KCND3: variants seen among roughly 807,000 people sequenced by gnomAD.
KCND3 encodes potassium voltage-gated channel subfamily D member 3.
Under a neutral mutation model 51.1 loss-of-function variants are expected in KCND3, and 9 were observed. That is an observed-to-expected ratio of 0.18 (90% CI 0.11 to 0.31). The LOEUF is 0.31. Ranked by LOEUF, KCND3 falls within the 10% of genes least tolerant of loss-of-function variation. The pLI is 1.00. For synonymous variants in KCND3, 349 were observed against 368.0 expected (o/e 0.95, Z 0.59); for missense variants, 526 against 903.8 (o/e 0.58, Z 5.36).
At chr1:111,894,095 T>TAGA (rs1451928510) in intron 2 of KCND3, among the ~76,000 whole-genome samples, 1 of 152,196 alleles carries the variant, frequency 6.6e-6, no homozygotes, top group Non-Finnish European at 1.5e-5. Flanking sequence ...GGCTTTCCAC[T>TAGA]GCACCTAAAA....
intron 3 of KCND3, among the ~76,000 whole-genome samples, chr1:111,786,444 T>C (rs17665619): frequency 0.033 from 5,064 of 152,336 alleles, 127 homozygotes; most frequent in Non-Finnish European, 0.05. Flanking sequence ...CTTTGCCCTA[T>C]GATATCTTGG....
intron 2 of KCND3, among the ~76,000 whole-genome samples, chr1:111,813,438 G>A (rs1048518330): frequency 6.6e-6 from 1 of 152,262 alleles, no homozygotes; most frequent in Non-Finnish European, 1.5e-5. Flanking sequence ...GCAGGGGCCT[G>A]TCTGGTCTTC....
intron 2 of KCND3, among the ~76,000 whole-genome samples, chr1:111,949,979 C>T (rs1672974746): frequency 6.6e-6 from 1 of 152,214 alleles, no homozygotes; most frequent in South Asian, 2.1e-4. Flanking sequence ...GGCCCGATCT[C>T]AGCTCACTGC....
chr1:111,982,447 C>T lies in KCND3; in HGVS notation c.280G>A (p.Val94Met), dbSNP rs1349469134. 1 of 1,613,526 alleles carries T rather than the reference C, an allele frequency of 6.2e-7. No homozygotes were observed. Among genetic ancestry groups the T allele is most frequent in the Admixed American group, 1.7e-5 (1 of 60,010 alleles). ...TTCCCCGTGCGGTAGAAGTTGAGCA[C>T]GCAGCGGAACACCTCGGGGTCCCGG... ...FDRDPEVFRC[V>M]LNFYRTGKLH... Residue 94 changes from valine (V) to methionine (M), a missense_variant, in exon 2 of 8, where the codon GTG becomes ATG. Transcript: ENST00000302127. The surrounding 1 kb of genome is among the most constrained non-coding windows in gnomAD (Gnocchi z 8.5).
At chr1:111,852,863 G>A (rs181788260) in intron 2 of KCND3, among the ~76,000 whole-genome samples, 4 of 152,222 alleles carry the variant, frequency 2.6e-5, no homozygotes, top group East Asian at 3.9e-4. Context: ...CTTCAGCTCC[G>A]CTCTGCCCGT....
chr1:111,936,296 C>T (rs946188828), intron 2 of KCND3, among the ~76,000 whole-genome samples: 4 of 152,118 alleles, frequency 2.6e-5, no homozygotes, highest in Admixed American at 6.6e-5. Flanking sequence ...CATTGGTGAG[C>T]AGAGGGCTCC....
chr1:111,969,190 G>A (rs1017874951), intron 2 of KCND3, among the ~76,000 whole-genome samples: 1 of 151,930 alleles, frequency 6.6e-6, no homozygotes, highest in African/African-American at 2.4e-5. Flanking sequence ...GCCCACCCTC[G>A]TGTGCCTACT....
chr1:111,812,591 A>G (rs1557952530), intron 2 of KCND3, among the ~76,000 whole-genome samples: 3 of 152,204 alleles, frequency 2.0e-5, no homozygotes, highest in Non-Finnish European at 4.4e-5. Context: ...TACATTTTTA[A>G]TCTGTACGAG....
chr1:111,780,361 C>T lies in KCND3; in HGVS notation c.1372-47G>A. On this transcript the variant is annotated intron_variant, in intron 4 of 7. Transcript: ENST00000302127. This position sits in a 1 kb window ranked among gnomAD's most constrained non-coding sequence, Gnocchi z 4.2. ...TTGAGTAAAAAGCTGGTGGCTCTTCCCCTCTCCAGCTCCTTCATTTCTCCA... is the reference window on the plus strand; with the variant it reads ...TTGAGTAAAAAGCTGGTGGCTCTTCTCCTCTCCAGCTCCTTCATTTCTCCA... 1 of 1,483,258 alleles carries T rather than the reference C, an allele frequency of 6.7e-7. No individual in the cohort carries two copies. Among genetic ancestry groups the T allele is most frequent in the Non-Finnish European group, 9.2e-7 (1 of 1,084,546 alleles). The allele number at this position is 1,483,258 out of a possible 1,614,324, so 91.9% of individuals were successfully genotyped here. A position where few individuals can be genotyped will look rare whatever the true frequency, so the allele number is the denominator to read the frequency against.
At chr1:111,788,707 C>T (rs749844947) in intron 2 of KCND3, among the ~76,000 whole-genome samples, 1 of 152,110 alleles carries the variant, frequency 6.6e-6, no homozygotes, top group Non-Finnish European at 1.5e-5. Context: ...TCAGGAGAGG[C>T]CTCCAGGGAA....
chr1:111,915,211 T>C (rs1396302941), intron 2 of KCND3, among the ~76,000 whole-genome samples: 1 of 152,036 alleles, frequency 6.6e-6, no homozygotes, highest in African/African-American at 2.4e-5. Flanking sequence ...ATAAACAAAT[T>C]ACATATGAGA....
intron 2 of KCND3, among the ~76,000 whole-genome samples, chr1:111,858,526 C>G (rs887717066): frequency 6.6e-6 from 1 of 152,068 alleles, no homozygotes; most frequent in Non-Finnish European, 1.5e-5. Context: ...CAAATATAAT[C>G]CAGACTAAAT....
intron 2 of KCND3, among the ~76,000 whole-genome samples, chr1:111,952,869 C>T (rs907360693): frequency 6.6e-6 from 1 of 152,076 alleles, no homozygotes; most frequent in Non-Finnish European, 1.5e-5. Context: ...GTTCCCTCTT[C>T]TCAGCTCTTC....
At chr1:111,950,094 A>G (rs1159425000) in intron 2 of KCND3, among the ~76,000 whole-genome samples, 3 of 152,040 alleles carry the variant, frequency 2.0e-5, no homozygotes, top group Non-Finnish European at 4.4e-5. Flanking sequence ...TATTTTCAGT[A>G]GAGACGGGGC....
intron 2 of KCND3, among the ~76,000 whole-genome samples, chr1:111,845,038 T>G (rs1383037676): frequency 6.6e-6 from 1 of 152,202 alleles, no homozygotes; most frequent in Non-Finnish European, 1.5e-5. Flanking sequence ...GCAGTCCACG[T>G]GCATTCTCTC....
chr1:111,933,624 C>G (rs995473573), intron 2 of KCND3, among the ~76,000 whole-genome samples: 2 of 152,160 alleles, frequency 1.3e-5, no homozygotes, highest in Non-Finnish European at 2.9e-5. Context: ...GAAGCAGGAC[C>G]AAATCAAGAG....
At chr1:111,806,878 A>C (rs1249723361) in intron 2 of KCND3, among the ~76,000 whole-genome samples, 4 of 152,202 alleles carry the variant, frequency 2.6e-5, no homozygotes, top group Non-Finnish European at 5.9e-5. Flanking sequence ...AATACCCTAC[A>C]CTTCACTCAA....
chr1:111,897,357 T>C (rs540133304), intron 2 of KCND3, among the ~76,000 whole-genome samples: 4 of 152,330 alleles, frequency 2.6e-5, no homozygotes, highest in East Asian at 3.9e-4. Flanking sequence ...AAATATGGAC[T>C]CAGCCCTTGG....
At chr1:111,989,244 G>A (rs1022819898) in intron 1 of KCND3, 6 of 152,392 alleles carry the variant, frequency 3.9e-5, no homozygotes, top group East Asian at 1.9e-4. Context: ...TGGAAAGAGG[G>A]CAGAGGTTCA....
Sources: allele counts gnomAD v4.1 joint callset (sites outside exome capture counted in the v4.1 genomes callset), GRCh38; gene constraint gnomAD v4.1.1; non-coding constraint Gnocchi (gnomAD v3.1); transcripts MANE v1.5; gene names NCBI Gene and HGNC (gene_info 2026-07-23, HGNC 2026-07-21).